ARHGAP11B: variants seen among roughly 807,000 people sequenced by gnomAD.
The protein encoded by ARHGAP11B is inactive Rho GTPase-activating protein 11B.
ARHGAP11B carries 14 observed loss-of-function variants against 27.6 expected under a neutral mutation model. The ratio of observed to expected loss-of-function variants is 0.51; its 90% CI spans 0.34 to 0.79. The LOEUF (loss-of-function observed/expected upper bound fraction) is 0.79, where lower values mean the gene tolerates loss of function less well. Ranked by LOEUF, ARHGAP11B falls within the 30% of genes least tolerant of loss-of-function variation. The pLI is 0.02. For synonymous variants in ARHGAP11B, 82 were observed against 114.1 expected (o/e 0.72, Z 1.80); for missense variants, 245 against 320.1 (o/e 0.77, Z 1.79).
chr15:30,627,239 A>T (rs1430244985), intron 1 of ARHGAP11B, among the ~76,000 whole-genome samples: 4 of 151,870 alleles, frequency 2.6e-5, no homozygotes. Flanking sequence ...CTGTTCTGTG[A>T]ATTGTGGGAT....
intron 1 of ARHGAP11B, 144 bp downstream of exon 1, chr15:30,627,093 GA>G: frequency 1.6e-6 from 2 of 1,286,118 alleles, no homozygotes; most frequent in Non-Finnish European, 2.0e-6. Flanking sequence ...ATCGATTGCT[GA>G]TATTTAAAAA....
At chr15:30,640,564 A>G (rs2060309378) in intron 7 of ARHGAP11B, among the ~76,000 whole-genome samples, 1 of 151,484 alleles carries the variant, frequency 6.6e-6, no homozygotes, top group Non-Finnish European at 1.5e-5. Flanking sequence ...CATCTCATTT[A>G]TCTTACATTT....
At chr15:30,648,462 C>G (rs1471551205) in exon 11 of ARHGAP11B, among the ~76,000 whole-genome samples, 3 of 151,966 alleles carry the variant, frequency 2.0e-5, no homozygotes, top group Non-Finnish European at 1.5e-5. Context: ...AGGATTCAGA[C>G]AGACCTGGGT....
intron 6 of ARHGAP11B, 40 bp downstream of exon 6, chr15:30,635,673 C>A (rs764262804): frequency 1.2e-6 from 2 of 1,604,534 alleles, no homozygotes; most frequent in Non-Finnish European, 1.7e-6. Context: ...CAGTGATTTG[C>A]TTTAATCGAA....
chr15:30,644,558 A>G, intron 7 of ARHGAP11B: 1 of 780,674 alleles, frequency 1.3e-6, no homozygotes, highest in East Asian at 2.5e-5. Context: ...TCATTGATTT[A>G]TTATCTGATA....
At chr15:30,643,122 T>C (rs1312732923) in intron 7 of ARHGAP11B, among the ~76,000 whole-genome samples, 1 of 151,978 alleles carries the variant, frequency 6.6e-6, no homozygotes, top group Non-Finnish European at 1.5e-5. Context: ...TTATTTGAAT[T>C]TTACCAGTTG....
chr15:30,632,702 T>A (rs1447354649), intron 2 of ARHGAP11B, among the ~76,000 whole-genome samples: 1 of 151,222 alleles, frequency 6.6e-6, no homozygotes, highest in Non-Finnish European at 1.5e-5. Flanking sequence ...TGAACATTGT[T>A]CAAAATAAAG....
intron 7 of ARHGAP11B, among the ~76,000 whole-genome samples, chr15:30,643,079 A>T (rs558724243): frequency 2.0e-5 from 3 of 152,112 alleles, no homozygotes; most frequent in Non-Finnish European, 4.4e-5. Context: ...AAAATAAAAC[A>T]TGAGAATAGT....
At chr15:30,647,366 C>G (rs941000169) in intron 9 of ARHGAP11B, among the ~76,000 whole-genome samples, 1 of 151,782 alleles carries the variant, frequency 6.6e-6, no homozygotes, top group East Asian at 1.9e-4. Flanking sequence ...AATTTAAGTT[C>G]ATTTGCTCCC....
chr15:30,629,325 C>T (rs191573385), intron 1 of ARHGAP11B, among the ~76,000 whole-genome samples: 1 of 151,852 alleles, frequency 6.6e-6, no homozygotes, highest in Admixed American at 6.6e-5. Context: ...GGGTGGATCA[C>T]GAGGTCAGGA....
At chr15:30,628,918 A>G (rs1478699631) in intron 1 of ARHGAP11B, among the ~76,000 whole-genome samples, 5 of 152,074 alleles carry the variant, frequency 3.3e-5, no homozygotes, top group Admixed American at 3.3e-4. Context: ...AGTTATATAT[A>G]ACAGAAGTAG....
At chr15:30,631,788 T>C (rs1452240845) in intron 2 of ARHGAP11B, among the ~76,000 whole-genome samples, 1 of 141,040 alleles carries the variant, frequency 7.1e-6, no homozygotes, top group African/African-American at 2.6e-5. Flanking sequence ...CCTTTTGTTC[T>C]TTTTTTTTTT....
At chr15:30,628,870 A>G (rs935966359) in intron 1 of ARHGAP11B, among the ~76,000 whole-genome samples, 3 of 152,054 alleles carry the variant, frequency 2.0e-5, no homozygotes, top group Admixed American at 2.0e-4. Context: ...CAGTTATTCT[A>G]AATAATAAGA....
At chr15:30,633,461 C>G (rs1451737383) in intron 2 of ARHGAP11B, 29 bp from the exon 3 acceptor site, 3 of 1,588,654 alleles carry the variant, frequency 1.9e-6, no homozygotes, top group Non-Finnish European at 2.6e-6. Flanking sequence ...ATATGTATGT[C>G]TAGCCACCTG....
rs1331047542 is a variant in ARHGAP11B at position 30,635,634 on chromosome 15, G to T, written c.*3+1G>T. On this transcript the variant is annotated splice_donor_variant, in intron 6 of 10. Coordinates refer to ENST00000428041, the Ensembl canonical transcript of ARHGAP11B. LOFTEE classifies it low-confidence loss of function (3UTR_SPLICE). Reference sequence around the variant, plus strand: ...AGAAAGAGAAGACAACGTGTAGGAGGTAAGTGGTGGTCCCATTTTATGGAG... The same window carrying T: ...AGAAAGAGAAGACAACGTGTAGGAGTTAAGTGGTGGTCCCATTTTATGGAG... 11 of 1,613,196 alleles carry T rather than the reference G, an allele frequency of 6.8e-6. 1 individual carries two copies. The highest frequency in any genetic ancestry group is 9.3e-6 in the Non-Finnish European group (11 of 1,179,526).
chr15:30,633,601 G>C lies in ARHGAP11B; in HGVS notation c.297+15G>C, dbSNP rs2060259728. The stretch of plus-strand genomic sequence containing the variant: ...AAGCACTAAAGGTGAGCATATTGTT[G>C]AACTATAATTTTTCATTTGAGCCAT... On this transcript the variant is annotated intron_variant, in intron 3 of 10. Transcript: ENST00000428041. The C allele has an allele frequency of 1.3e-6, 2 of 1,593,378 alleles. No individual in the cohort carries two copies. Among genetic ancestry groups the C allele is most frequent in the Admixed American group, 3.5e-5 (2 of 56,420 alleles).
intron 9 of ARHGAP11B, among the ~76,000 whole-genome samples, chr15:30,646,734 C>A (rs539961391): frequency 6.6e-6 from 1 of 151,418 alleles, no homozygotes; most frequent in Non-Finnish European, 1.5e-5. Flanking sequence ...CTTTGGGAGG[C>A]TGAGGCGGGT....
intron 8 of ARHGAP11B, chr15:30,644,754 G>A (rs1237499541): frequency 4.6e-6 from 6 of 1,302,494 alleles, no homozygotes; most frequent in South Asian, 1.2e-5. Flanking sequence ...ATACAGATAC[G>A]AATATGAAAT....
At chr15:30,644,172 C>G (rs1298372662) in intron 7 of ARHGAP11B, among the ~76,000 whole-genome samples, 1 of 151,822 alleles carries the variant, frequency 6.6e-6, no homozygotes, top group Non-Finnish European at 1.5e-5. Context: ...GTAGTTATGT[C>G]CTGCCTCTTT....
Sources: allele counts gnomAD v4.1 joint callset (sites outside exome capture counted in the v4.1 genomes callset), GRCh38; gene constraint gnomAD v4.1.1; transcripts MANE v1.5; gene names NCBI Gene and HGNC (gene_info 2026-07-23, HGNC 2026-07-21).